Variants in SAR1A observed in about 807,000 individuals in gnomAD.
SAR1A encodes the protein secretion associated Ras related GTPase 1A, also known as small COPII coat GTPase SAR1A.
In SAR1A, 6 loss-of-function variants were observed where a neutral mutation model predicts 22.6. The ratio of observed to expected loss-of-function variants is 0.27; its 90% CI spans 0.15 to 0.52. The LOEUF is 0.52. Ranked by LOEUF, SAR1A falls within the 20% of genes least tolerant of loss-of-function variation. The pLI, the probability that SAR1A is intolerant of heterozygous loss-of-function variation, is 0.96. For missense variants in SAR1A, 145 were observed against 245.1 expected, an observed-to-expected ratio of 0.59 and a Z score of 2.73; for synonymous variants, 70 against 82.2, an observed-to-expected ratio of 0.85 and a Z score of 0.80.
intron 5 of SAR1A, among the ~76,000 whole-genome samples, chr10:70,155,747 A>C: frequency 6.6e-6 from 1 of 152,214 alleles, no homozygotes; most frequent in East Asian, 1.9e-4. Context: ...ATTTGCCGAC[A>C]AAGCGAGGGG....
chr10:70,169,516 G>A (rs975036999), intron 1 of SAR1A, among the ~76,000 whole-genome samples: 5 of 152,256 alleles, frequency 3.3e-5, no homozygotes, highest in Admixed American at 2.6e-4. Context: ...GCGAATTCCA[G>A]GGCTAAATGA....
At chr10:70,153,646 G>A (rs934446199) in intron 6 of SAR1A, among the ~76,000 whole-genome samples, 192 bp downstream of exon 6, 1 of 152,126 alleles carries the variant, frequency 6.6e-6, no homozygotes, top group African/African-American at 2.4e-5. Context: ...TCAAATACCT[G>A]ATGAATGAAT....
Position 70,152,603 on chromosome 10 carries a change from C to T in SAR1A, c.481-11G>A. On this transcript the variant is annotated splice_polypyrimidine_tract_variant and intron_variant, in intron 6 of 6. Coordinates refer to ENST00000373241, the MANE Select transcript of SAR1A (RefSeq NM_020150.5). Reference sequence around the variant, plus strand: ...CAGGGTCACATTCCCCTAAAGGAGGCAAAACCAAGAAAGGCCTGTTAGCAT... The same window carrying T: ...CAGGGTCACATTCCCCTAAAGGAGGTAAAACCAAGAAAGGCCTGTTAGCAT... 1.9e-6 allele frequency: 3 copies of T among 1,571,610 alleles called. No homozygotes were observed. Among genetic ancestry groups the T allele is most frequent in the Non-Finnish European group, 2.6e-6 (3 of 1,141,652 alleles).
chr10:70,154,356 G>T (rs115983277), intron 5 of SAR1A, among the ~76,000 whole-genome samples: 1 of 152,142 alleles, frequency 6.6e-6, no homozygotes, highest in Non-Finnish European at 1.5e-5. Flanking sequence ...AATTCCCCAA[G>T]TATTCACCAA....
At chr10:70,155,169 T>C (rs1839371392) in intron 5 of SAR1A, 1 of 488,816 alleles carries the variant, frequency 2.0e-6, no homozygotes, top group Non-Finnish European at 4.2e-6. Flanking sequence ...AATCTTATTT[T>C]TCAGTATAAT....
rs1226477980 is a variant in SAR1A, at chr10:70,158,434, GC to G, written c.245-568del. Among the ~76,000 whole-genome samples the G allele has an allele frequency of 3.9e-5, 6 of 152,186 alleles. No homozygotes were observed. In the East Asian group the frequency reaches 1.2e-3, roughly 29 times the overall value. On this transcript the variant is annotated intron_variant, in intron 4 of 6. Coordinates refer to ENST00000373241, the MANE Select transcript of SAR1A (RefSeq NM_020150.5). The stretch of plus-strand genomic sequence containing the variant: ...GACTAGGCCTGACAAGTGGTTCAAG[GC>G]CCCAGGCCAGTTATCTCAACCTACC...
Position 70,160,225 on chromosome 10 carries a change from GATAAAA to G in SAR1A, c.244+773_244+778del, listed in dbSNP as rs1161900494. Among the ~76,000 whole-genome samples the G allele has an allele frequency of 4.0e-5, 6 of 151,882 alleles. No individual in the cohort carries two copies. The East Asian group carries it at 1.2e-3, about 29-fold the overall frequency. On this transcript the variant is annotated intron_variant, in intron 4 of 6. Coordinates refer to ENST00000373241, the MANE Select transcript of SAR1A (RefSeq NM_020150.5). The stretch of plus-strand genomic sequence containing the variant: ...CAAAAAAAAAAGGAAATACAGAGTG[GATAAAA>G]ATAAAACTTCCTGGATTTGATAACT...
At chr10:70,154,349 T>C (rs1202034475) in intron 5 of SAR1A, among the ~76,000 whole-genome samples, 1 of 152,124 alleles carries the variant, frequency 6.6e-6, no homozygotes, top group South Asian at 2.1e-4. Context: ...CTACAGGAAT[T>C]CCCCAAGTAT....
At chr10:70,155,119 T>C (rs534856270) in intron 5 of SAR1A, 2 of 527,130 alleles carry the variant, frequency 3.8e-6, no homozygotes, top group South Asian at 2.9e-5. Flanking sequence ...TGAGCTGCAA[T>C]ATATCCTAAA....
intron 1 of SAR1A, among the ~76,000 whole-genome samples, chr10:70,165,643 G>T (rs906459535): frequency 1.3e-5 from 2 of 152,142 alleles, no homozygotes; most frequent in Non-Finnish European, 2.9e-5. Context: ...CAAAAAAAGT[G>T]GTTTTTTTGA....
In SAR1A at chr10:70,147,357, C is replaced by G. The variant is rs1839265144; in HGVS notation, c.*5119G>C. 1 of 152,108 alleles carries G rather than the reference C, an allele frequency of 6.6e-6. No homozygotes were observed. Among genetic ancestry groups the G allele is most frequent in the African/African-American group, 2.4e-5 (1 of 41,406 alleles). The allele number at this position is 152,108 out of a possible 1,614,324, so 9.4% of individuals were successfully genotyped here. A position where few individuals can be genotyped will look rare whatever the true frequency, so the allele number is the denominator to read the frequency against. On this transcript the variant is annotated 3_prime_UTR_variant, in exon 7 of 7. Coordinates refer to ENST00000373241, the MANE Select transcript of SAR1A (RefSeq NM_020150.5). ...TGCACATTTCACATAACATAACCACCAGCCAGGATTTATCTAGGCCAGGGT... is the reference window on the plus strand; with the variant it reads ...TGCACATTTCACATAACATAACCACGAGCCAGGATTTATCTAGGCCAGGGT...
chr10:70,160,946 C>A (rs1589876577), intron 4 of SAR1A, 58 bp downstream of exon 4: 6 of 1,195,450 alleles, frequency 5.0e-6, no homozygotes, highest in Non-Finnish European at 4.8e-6. Context: ...TTAAAAGGAG[C>A]TGGGAGGCAC....
intron 3 of SAR1A, 96 bp downstream of exon 3, chr10:70,161,523 C>T: frequency 6.8e-7 from 1 of 1,461,274 alleles, no homozygotes; most frequent in Non-Finnish European, 9.3e-7. Flanking sequence ...TTTGGGACTT[C>T]AGTTAATAAA....
chr10:70,155,213 T>A (rs1267285049), intron 5 of SAR1A: 1 of 453,902 alleles, frequency 2.2e-6, no homozygotes, highest in Admixed American at 2.5e-5. Context: ...GTGGTGTTCA[T>A]GTAAGAGATC....
intron 5 of SAR1A, among the ~76,000 whole-genome samples, chr10:70,156,621 C>T (rs74673099): frequency 0.036 from 5,457 of 150,450 alleles, 121 homozygotes; most frequent in East Asian, 0.058. Flanking sequence ...TACAGTGAGC[C>T]GTGATTGCAC....
At chr10:70,160,569 A>C (rs1252654950) in intron 4 of SAR1A, among the ~76,000 whole-genome samples, 1 of 152,208 alleles carries the variant, frequency 6.6e-6, no homozygotes, top group Non-Finnish European at 1.5e-5. Flanking sequence ...CTCTTGTTGA[A>C]GCAATACATA....
chr10:70,157,070 C>T (rs9971030), intron 5 of SAR1A, among the ~76,000 whole-genome samples: 55,325 of 151,880 alleles, frequency 0.36, 10,649 homozygotes, highest in Non-Finnish European at 0.4. Context: ...ACTCTAATAT[C>T]GCTTTTAGGC....
chr10:70,164,851 T>C (rs1839525173), intron 1 of SAR1A, among the ~76,000 whole-genome samples: 1 of 152,212 alleles, frequency 6.6e-6, no homozygotes, highest in South Asian at 2.1e-4. Flanking sequence ...AAAAAAAGAT[T>C]TGAAGATATT....
At position 70,160,200 on chromosome 10, in the gene SAR1A, C is replaced by CA. The variant is rs905875240; in HGVS notation, c.244+803dup. Among the ~76,000 whole-genome samples, 49 of 140,606 alleles carry CA rather than the reference C, an allele frequency of 3.5e-4. No homozygotes were observed. In the East Asian group the frequency reaches 3.9e-3, roughly 11 times the overall value. The allele number at this position is 140,606 out of a possible 152,430, so 92.2% of individuals were successfully genotyped here. ...AAAAGAGATTATCAGGACAACTGAC[C>CA]AAAAAAAAAAGGAAATACAGAGTGG... On this transcript the variant is annotated intron_variant, in intron 4 of 6. Coordinates refer to ENST00000373241, the MANE Select transcript of SAR1A (RefSeq NM_020150.5).
Sources: allele counts gnomAD v4.1 joint callset (sites outside exome capture counted in the v4.1 genomes callset), GRCh38; gene constraint gnomAD v4.1.1; transcripts MANE v1.5; gene names NCBI Gene and HGNC (gene_info 2026-07-23, HGNC 2026-07-21).